IQGAP2: variants seen among roughly 807,000 people sequenced by gnomAD.
IQGAP2 encodes IQ motif containing GTPase activating protein 2.
A neutral mutation model predicts 201.3 loss-of-function variants in IQGAP2; 173 were observed. The ratio of observed to expected loss-of-function variants is 0.86; its 90% CI spans 0.76 to 0.98. The LOEUF (loss-of-function observed/expected upper bound fraction) is 0.98. IQGAP2 is among the 50% of genes least tolerant of loss of function. The pLI is 0.00. For missense variants in IQGAP2, 1,687 were observed against 1,864.8 expected, an observed-to-expected ratio of 0.90 and a Z score of 1.76; for synonymous variants, 675 against 673.9, an observed-to-expected ratio of 1.00 and a Z score of -0.03.
At chr5:76,635,786 A>G (rs1186504861) in intron 15 of IQGAP2, among the ~76,000 whole-genome samples, 1 of 99,140 alleles carries the variant, frequency 1.0e-5, no homozygotes, top group Admixed American at 9.5e-5. Flanking sequence ...CCTTGGTCAC[A>G]CCACTGTTCT....
intron 2 of IQGAP2, among the ~76,000 whole-genome samples, chr5:76,489,411 C>T (rs1306458443): frequency 6.6e-6 from 1 of 152,118 alleles, no homozygotes; most frequent in Non-Finnish European, 1.5e-5. Context: ...CATCTCGCCA[C>T]CCCACCCCCA....
chr5:76,474,726 T>C (rs145787181), intron 2 of IQGAP2, among the ~76,000 whole-genome samples: 1 of 152,314 alleles, frequency 6.6e-6, no homozygotes, highest in Non-Finnish European at 1.5e-5. Context: ...CAAGGTCACT[T>C]GGATGCTTGT....
At chr5:76,497,838 C>T (rs1023801435) in intron 2 of IQGAP2, among the ~76,000 whole-genome samples, 1 of 152,214 alleles carries the variant, frequency 6.6e-6, no homozygotes, top group Admixed American at 6.5e-5. Context: ...CACCCTTAAC[C>T]AAGGGTTAAG....
rs889209635 is a variant in IQGAP2, at chr5:76,403,976, A to G, written c.46+385A>G. Among the ~76,000 whole-genome samples, 18 of 152,110 alleles carry G rather than the reference A, an allele frequency of 1.2e-4. No homozygotes were observed. The highest frequency in any genetic ancestry group is 2.1e-4 in the Non-Finnish European group (14 of 68,006). On this transcript the variant is annotated intron_variant, in intron 1 of 35. Transcript: ENST00000274364. The surrounding 1 kb of genome is among the most constrained non-coding windows in gnomAD (Gnocchi z 4.8). ...TGGCGTAAGGCACCGGATTCTTCCAACCCAGAAGGGGAGGAAAGTTTGTTT... is the reference window on the plus strand; with the variant it reads ...TGGCGTAAGGCACCGGATTCTTCCAGCCCAGAAGGGGAGGAAAGTTTGTTT...
intron 2 of IQGAP2, among the ~76,000 whole-genome samples, chr5:76,529,634 A>ATAATAATAC (rs1277714207): frequency 3.3e-5 from 1 of 29,902 alleles, no homozygotes; most frequent in Non-Finnish European, 8.6e-5. Context: ...TCTCGGAATA[A>ATAATAATAC]TAATAATAAT....
chr5:76,496,768 T>TCTTTCTTTC (rs1756993079), intron 2 of IQGAP2, among the ~76,000 whole-genome samples: 1 of 118,180 alleles, frequency 8.5e-6, no homozygotes, highest in African/African-American at 4.4e-5. Flanking sequence ...TTTCTTTCTT[T>TCTTTCTTTC]CTTTCTTTCT....
chr5:76,533,528 TTA>T (rs1254337972), intron 2 of IQGAP2, among the ~76,000 whole-genome samples: 2 of 121,178 alleles, frequency 1.7e-5, no homozygotes, highest in Non-Finnish European at 3.4e-5. Context: ...GCCCTATTAT[TTA>T]TATATATATA....
At chr5:76,581,583 A>G (rs1745853386) in intron 5 of IQGAP2, among the ~76,000 whole-genome samples, 1 of 152,102 alleles carries the variant, frequency 6.6e-6, no homozygotes, top group South Asian at 2.1e-4. Flanking sequence ...TGTCTTCCTA[A>G]ATTCTGAGCT....
At chr5:76,472,534 T>C (rs1755170679) in intron 2 of IQGAP2, among the ~76,000 whole-genome samples, 1 of 152,186 alleles carries the variant, frequency 6.6e-6, no homozygotes, top group Non-Finnish European at 1.5e-5. Flanking sequence ...TCAGATGCCC[T>C]GGGGCAGATC....
chr5:76,475,337 C>A (rs1266685037), intron 2 of IQGAP2, among the ~76,000 whole-genome samples: 1 of 152,162 alleles, frequency 6.6e-6, no homozygotes, highest in African/African-American at 2.4e-5. Flanking sequence ...GTGAATTTCT[C>A]CAACAAGATA....
intron 2 of IQGAP2, among the ~76,000 whole-genome samples, chr5:76,503,174 C>CTTTTTTTTTTTT (rs11297908): frequency 9.5e-4 from 104 of 109,314 alleles, no homozygotes; most frequent in Non-Finnish European, 1.5e-3. Context: ...CTTTTCTTTT[C>CTTTTTTTTTTTT]TTTTTTTTTT....
chr5:76,429,444 T>C (rs573534296), intron 1 of IQGAP2, among the ~76,000 whole-genome samples: 2,470 of 150,636 alleles, frequency 0.016, 68 homozygotes, highest in African/African-American at 0.056. Context: ...TGGTGGTGGG[T>C]GCCTGTAGTC....
intron 2 of IQGAP2, among the ~76,000 whole-genome samples, chr5:76,463,840 TTTTTTC>T (rs1260773128): frequency 1.3e-5 from 2 of 151,898 alleles, no homozygotes; most frequent in Admixed American, 1.3e-4. Flanking sequence ...ACTTTTTTTC[TTTTTTC>T]TTTTTCTTTT....
chr5:76,614,736 C>T (rs1054589653), intron 13 of IQGAP2, among the ~76,000 whole-genome samples: 1 of 150,948 alleles, frequency 6.6e-6, no homozygotes, highest in Non-Finnish European at 1.5e-5. Context: ...AGGCACAAGC[C>T]ACCACATTCA....
chr5:76,612,761 C>T (rs929994492), intron 13 of IQGAP2, among the ~76,000 whole-genome samples: 3 of 151,484 alleles, frequency 2.0e-5, no homozygotes, highest in East Asian at 3.9e-4. Context: ...GGGGGAGGGG[C>T]GCACACACTC....
chr5:76,498,931 G>C (rs1757132113), intron 2 of IQGAP2, among the ~76,000 whole-genome samples: 1 of 152,216 alleles, frequency 6.6e-6, no homozygotes, highest in Non-Finnish European at 1.5e-5. Flanking sequence ...GGGGTGGGAT[G>C]AGGGGCTTTG....
At chr5:76,674,929 C>G (rs550535124) in intron 27 of IQGAP2, among the ~76,000 whole-genome samples, 1 of 152,338 alleles carries the variant, frequency 6.6e-6, no homozygotes, top group Admixed American at 6.5e-5. Flanking sequence ...ACTCCTATTA[C>G]ACTGAGTCTT....
At chr5:76,473,036 A>G (rs897601281) in intron 2 of IQGAP2, among the ~76,000 whole-genome samples, 5 of 152,256 alleles carry the variant, frequency 3.3e-5, no homozygotes, top group African/African-American at 1.2e-4. Flanking sequence ...AGTCTTGGAA[A>G]AACTTAAGTA....
chr5:76,576,471 T>C (rs1419844279), intron 5 of IQGAP2, among the ~76,000 whole-genome samples: 1 of 152,214 alleles, frequency 6.6e-6, no homozygotes, highest in Non-Finnish European at 1.5e-5. Context: ...GGCTGTTGTC[T>C]TGAATGTACA....
Sources: gnomAD v4.1 joint callset for allele counts (sites outside exome capture counted in the v4.1 genomes callset) on GRCh38, gnomAD v4.1.1 for gene constraint, Gnocchi (gnomAD v3.1) non-coding constraint, MANE v1.5 for transcripts, NCBI Gene and HGNC (gene_info 2026-07-23, HGNC 2026-07-21) for gene names.